SIGLEC9: variants seen among roughly 807,000 people sequenced by gnomAD.
SIGLEC9 encodes sialic acid-binding Ig-like lectin 9.
In SIGLEC9, 26 loss-of-function variants were observed where a neutral mutation model predicts 38.3. The ratio of observed to expected loss-of-function variants is 0.68; its 90% CI spans 0.50 to 0.94. The LOEUF (loss-of-function observed/expected upper bound fraction) is 0.94, where lower values mean the gene tolerates loss of function less well. Among genes scored for constraint, SIGLEC9 ranks in the 40% least tolerant of loss-of-function variants. The pLI, the probability that SIGLEC9 is intolerant of heterozygous loss-of-function variation, is 0.00. For synonymous variants in SIGLEC9, 236 were observed against 248.0 expected, an observed-to-expected ratio of 0.95 and a Z score of 0.45; for missense variants, 556 against 585.7, an observed-to-expected ratio of 0.95 and a Z score of 0.52.
intron 3 of SIGLEC9, among the ~76,000 whole-genome samples, chr19:51,126,535 C>A (rs923668153): frequency 3.3e-5 from 5 of 152,214 alleles, no homozygotes; most frequent in East Asian, 1.9e-4. Flanking sequence ...GCCTGCCCCC[C>A]TCCCCAGAAC....
At chr19:51,132,739 AC>A (rs1280906608), downstream of SIGLEC9, among the ~76,000 whole-genome samples, 3 of 152,234 alleles carry the variant, frequency 2.0e-5, no homozygotes, top group Non-Finnish European at 1.5e-5. Context: ...TTTATAAATT[AC>A]CCAGCCTCAG....
chr19:51,125,219 C>T lies in SIGLEC9; in HGVS notation c.245C>T (p.Ala82Val), dbSNP rs750115636. The T allele has an allele frequency of 3.7e-6, 6 of 1,613,972 alleles. No individual in the cohort carries two copies. The Admixed American group carries it at 1.0e-4, about 27-fold the overall frequency. Reference protein sequence around the residue: ...APVATNNPARAVWEETRDRFH... With the variant: ...APVATNNPARVVWEETRDRFH... ...GTGGCCACAAACAACCCAGCTCGGG[C>T]AGTGTGGGAGGAGACTCGGGACCGA... The change falls in exon 1 of 7, where the codon GCA becomes GTA. Residue 82 changes from alanine to valine, a missense_variant. By Grantham distance (64) the Ala-to-Val change is moderately conservative (BLOSUM62 0). Transcript: ENST00000250360.
In SIGLEC9 at chr19:51,129,887, T is replaced by G; in HGVS notation, c.1204-4T>G. ...CTGACTCACTTCTCTCTCCCATGTC[T>G]CAGGGGCCCCTGACTGAACCTTGGG... is the stretch of plus-strand genomic sequence containing the variant. On this transcript the variant is annotated splice_polypyrimidine_tract_variant and splice_region_variant and intron_variant, in intron 6 of 6. Coordinates refer to ENST00000250360, the MANE Select transcript of SIGLEC9 (RefSeq NM_014441.3). 3 of 1,571,288 alleles carry G rather than the reference T, an allele frequency of 1.9e-6. No individual in the cohort carries two copies. The highest frequency in any genetic ancestry group is 2.6e-6 in the Non-Finnish European group (3 of 1,160,296).
chr19:51,129,429 G>A lies in SIGLEC9; in HGVS notation c.1204-462G>A, dbSNP rs181427585. On this transcript the variant is annotated intron_variant, in intron 6 of 6. Coordinates refer to ENST00000250360, the MANE Select transcript of SIGLEC9 (RefSeq NM_014441.3). ...CCACCTTGGCTTCCCGAAGTGCTGG[G>A]ATTACAGGCGTGAGCCACTGTGACC... 9.9e-5 allele frequency among the ~76,000 whole-genome samples: 15 copies of A among 152,112 alleles called. No homozygotes were observed. The East Asian group carries it at 2.7e-3, about 27-fold the overall frequency.
At chr19:51,126,873 G>A (rs1211304500) in intron 3 of SIGLEC9, among the ~76,000 whole-genome samples, 157 bp from the exon 4 acceptor site, 1 of 152,188 alleles carries the variant, frequency 6.6e-6, no homozygotes, top group Non-Finnish European at 1.5e-5. Context: ...ATGAAGCGGG[G>A]AGAAGTTTAC....
At chr19:51,135,894 T>C in intron 6 of SIGLEC9, 1 of 667,084 alleles carries the variant, frequency 1.5e-6, no homozygotes, top group Non-Finnish European at 2.7e-6. Context: ...TATTATGAAA[T>C]TTTTGCAGTT....
In SIGLEC9 at chr19:51,125,282, C is replaced by A. The variant is rs747905155; in HGVS notation, c.308C>A (p.Thr103Asn). 1 of 1,613,960 alleles carries A rather than the reference C, an allele frequency of 6.2e-7. No homozygotes were observed. Among genetic ancestry groups the A allele is most frequent in the East Asian group, 2.2e-5 (1 of 44,874 alleles). The change falls in exon 1 of 7, where the codon ACC (threonine) becomes AAC (asparagine). Residue 103 changes from threonine (T) to asparagine (N), a missense_variant. Coordinates refer to ENST00000250360, the MANE Select transcript of SIGLEC9 (RefSeq NM_014441.3). ...LLGDPHTKNCTLSIRDARRSD... is the reference protein window; with the variant it reads ...LLGDPHTKNCNLSIRDARRSD... The stretch of plus-strand genomic sequence containing the variant: ...GGGGACCCACATACCAAGAATTGCA[C>A]CCTGAGCATCAGAGATGCCAGAAGA...
downstream of SIGLEC9, among the ~76,000 whole-genome samples, chr19:51,133,479 G>A (rs756302333): frequency 7.2e-5 from 11 of 152,000 alleles, no homozygotes; most frequent in Non-Finnish European, 1.3e-4. Flanking sequence ...CCAGGTACTA[G>A]GGAGGCTGAA....
chr19:51,130,691 G>A (rs75074295), downstream of SIGLEC9, among the ~76,000 whole-genome samples: 434 of 152,246 alleles, frequency 2.9e-3, 2 homozygotes, highest in African/African-American at 0.01. Context: ...AGTCCAGTGG[G>A]AATCTTTAGG....
At chr19:51,121,302 C>A (rs547148640), upstream of SIGLEC9, among the ~76,000 whole-genome samples, 1 of 152,158 alleles carries the variant, frequency 6.6e-6, no homozygotes, top group South Asian at 2.1e-4. Flanking sequence ...ATTACAGGCA[C>A]CTGCCACCAT....
intron 5 of SIGLEC9, 99 bp from the exon 6 acceptor site, chr19:51,128,315 C>T (rs765207589): frequency 1.3e-5 from 18 of 1,380,708 alleles, no homozygotes; most frequent in Admixed American, 3.5e-5. Flanking sequence ...ACCTCAGTCA[C>T]CCCTGCAGTC....
At chr19:51,123,434 A>G (rs2091955519), upstream of SIGLEC9, among the ~76,000 whole-genome samples, 1 of 152,228 alleles carries the variant, frequency 6.6e-6, no homozygotes, top group African/African-American at 2.4e-5. Context: ...CCAGCCCTGC[A>G]GAACAGATGC....
At position 51,126,056 on chromosome 19, in the gene SIGLEC9, G is replaced by A. The variant is rs142810669; in HGVS notation, c.701-25G>A. The A allele has an allele frequency of 7.8e-5, 126 of 1,612,842 alleles. 1 individual carries two copies. The African/African-American group carries it at 1.3e-3, about 16-fold the overall frequency. Reference sequence around the variant, plus strand: ...GTGTCCCCAGCCCTCACAGTGATGCGGGTCTCCATGTCTTTCTGTCCCAGA... The same window carrying A: ...GTGTCCCCAGCCCTCACAGTGATGCAGGTCTCCATGTCTTTCTGTCCCAGA... On this transcript the variant is annotated intron_variant, in intron 2 of 6. Transcript: ENST00000250360.
intron 6 of SIGLEC9, chr19:51,128,996 C>A (rs2091997362): frequency 6.4e-6 from 1 of 156,400 alleles, no homozygotes; most frequent in African/African-American, 2.4e-5. Context: ...CCTGTGTAAA[C>A]AAATGAATAT....
chr19:51,135,899 G>A, intron 6 of SIGLEC9: 1 of 668,356 alleles, frequency 1.5e-6, no homozygotes, highest in East Asian at 2.7e-5. Context: ...TGAAATTTTT[G>A]CAGTTTTTCA....
chr19:51,130,068 AT>A lies in SIGLEC9; in HGVS notation c.1382del (p.Ile461ThrfsTer40), dbSNP rs1422354557. On this transcript the variant is annotated frameshift_variant, in exon 7 of 7. Transcript: ENST00000250360. LOFTEE classifies it high-confidence loss of function. ...ATDTEYSEIKIHR is the reference protein window; with the variant it reads ...ATDTEYSEIKXHR ...TGACACCGAGTACTCGGAGATCAAGATCCACAGATGAGAAACTGCAGAGACT... is the reference window on the plus strand; with the variant it reads ...TGACACCGAGTACTCGGAGATCAAGACCACAGATGAGAAACTGCAGAGACT... The A allele has an allele frequency of 6.2e-7, 1 of 1,610,990 alleles. No individual in the cohort carries two copies.
At chr19:51,134,147 CTTTTTTTT>C (rs71185802), downstream of SIGLEC9, among the ~76,000 whole-genome samples, 12 of 66,506 alleles carry the variant, frequency 1.8e-4, no homozygotes, top group Non-Finnish European at 2.7e-4. Context: ...TCTTTCTTTT[CTTTTTTTT>C]TTTTTTTTTT....
At chr19:51,123,589 G>C (rs992495259), upstream of SIGLEC9, among the ~76,000 whole-genome samples, 6 of 152,224 alleles carry the variant, frequency 3.9e-5, no homozygotes, top group Non-Finnish European at 8.8e-5. Context: ...AGAAAAGCAT[G>C]GAGACCATTA....
Position 51,125,850 on chromosome 19 carries a change from C to T in SIGLEC9, c.675C>T (p.Asn225=). ...VTFPGASVTT[N]KTVHLNVSYP... is the part of the protein sequence containing the mutation. ...TCCCTGGGGCCAGCGTGACCACGAACAAGACCGTCCATCTCAACGTGTCCT... is the reference window on the plus strand; with the variant it reads ...TCCCTGGGGCCAGCGTGACCACGAATAAGACCGTCCATCTCAACGTGTCCT... The change falls in exon 2 of 7, where the codon AAC becomes AAT. Residue 225 remains asparagine (N), a synonymous_variant. Coordinates refer to ENST00000250360, the MANE Select transcript of SIGLEC9 (RefSeq NM_014441.3). The T allele has an allele frequency of 3.1e-6, 5 of 1,614,106 alleles. No homozygotes were observed. The highest frequency in any genetic ancestry group is 4.2e-6 in the Non-Finnish European group (5 of 1,179,994).
Sources: allele counts gnomAD v4.1 joint callset (sites outside exome capture counted in the v4.1 genomes callset), GRCh38; gene constraint gnomAD v4.1.1; transcripts MANE v1.5; gene names NCBI Gene and HGNC (gene_info 2026-07-23, HGNC 2026-07-21).